The following HYDIN variants were observed in gnomAD, a reference collection of about 807,000 sequenced individuals.
The protein encoded by HYDIN is axonemal central pair apparatus protein HYDIN.
In HYDIN, 132 loss-of-function variants were observed where a neutral mutation model predicts 403.9. That is an observed-to-expected ratio of 0.33 (90% CI 0.28 to 0.38). The LOEUF (loss-of-function observed/expected upper bound fraction) is 0.38, where lower values mean the gene tolerates loss of function less well. HYDIN is among the 10% of genes least tolerant of loss of function. HYDIN has a pLI of 1.00. For synonymous variants in HYDIN, 1,202 were observed against 1,891.7 expected, an observed-to-expected ratio of 0.64 and a Z score of 9.46; for missense variants, 2,827 against 5,009.5, an observed-to-expected ratio of 0.56 and a Z score of 13.15.
chr16:71,003,184 T>A (rs2079777931), intron 23 of HYDIN, among the ~76,000 whole-genome samples: 1 of 152,192 alleles, frequency 6.6e-6, no homozygotes, highest in South Asian at 2.1e-4. Flanking sequence ...TTATTATATT[T>A]TTACAATAAG....
At chr16:71,089,611 G>A (rs946766015) in intron 11 of HYDIN, among the ~76,000 whole-genome samples, 1 of 152,208 alleles carries the variant, frequency 6.6e-6, no homozygotes, top group Admixed American at 6.5e-5. Flanking sequence ...CTGGAGCAAA[G>A]GTTACAGACA....
intron 40 of HYDIN, among the ~76,000 whole-genome samples, chr16:70,954,864 A>G (rs1057353004): frequency 1.3e-5 from 2 of 152,158 alleles, no homozygotes; most frequent in African/African-American, 4.8e-5. Flanking sequence ...ATTGGCCTCA[A>G]CCTGCCTTCC....
chr16:71,184,781 A>G (rs1315105965), intron 3 of HYDIN, 84 bp downstream of exon 3: 52 of 1,246,488 alleles, frequency 4.2e-5, no homozygotes, highest in Non-Finnish European at 5.2e-5. Flanking sequence ...TAGGTAGCCA[A>G]GAAACAAATT....
At chr16:71,143,696 A>G (rs1352871183) in intron 7 of HYDIN, among the ~76,000 whole-genome samples, 1 of 152,284 alleles carries the variant, frequency 6.6e-6, no homozygotes, top group Non-Finnish European at 1.5e-5. Flanking sequence ...AAGTCTGCAT[A>G]GATATTAATA....
At chr16:70,931,235 T>A (rs1334529616) in intron 45 of HYDIN, among the ~76,000 whole-genome samples, 27 of 133,420 alleles carry the variant, frequency 2.0e-4, no homozygotes, top group African/African-American at 6.7e-4. Context: ...TTTTTTTTTT[T>A]AATACAGGGT....
At chr16:70,853,164 G>C (rs973737330) in intron 73 of HYDIN, among the ~76,000 whole-genome samples, 3 of 152,154 alleles carry the variant, frequency 2.0e-5, no homozygotes, top group African/African-American at 7.2e-5. Context: ...CTGGGCAACA[G>C]AGCGAGACTC....
At chr16:70,896,474 T>C (rs1410945186) in intron 53 of HYDIN, among the ~76,000 whole-genome samples, 1 of 152,062 alleles carries the variant, frequency 6.6e-6, no homozygotes, top group African/African-American at 2.4e-5. Flanking sequence ...CATCTCAGCC[T>C]CCCGAGTAGG....
At chr16:71,040,012 C>T (rs1012570284) in intron 18 of HYDIN, among the ~76,000 whole-genome samples, 51 of 151,994 alleles carry the variant, frequency 3.4e-4, no homozygotes, top group African/African-American at 1.2e-3. Context: ...GCACCGCCCC[C>T]GCCCACCGCC....
chr16:70,864,059 G>C (rs371508293), intron 67 of HYDIN, among the ~76,000 whole-genome samples: 4 of 151,926 alleles, frequency 2.6e-5, no homozygotes, highest in African/African-American at 9.6e-5. Flanking sequence ...GGCTGGGTGC[G>C]GTGGCTCATG....
At chr16:71,161,208 A>G (rs1474331354) in intron 6 of HYDIN, among the ~76,000 whole-genome samples, 1 of 139,738 alleles carries the variant, frequency 7.2e-6, no homozygotes, top group East Asian at 2.0e-4. Context: ...TAGATCTCTT[A>G]CACGCACAGT....
At chr16:71,146,204 G>T (rs2085362002) in intron 7 of HYDIN, among the ~76,000 whole-genome samples, 1 of 151,960 alleles carries the variant, frequency 6.6e-6, no homozygotes, top group African/African-American at 2.4e-5. Flanking sequence ...TAAAAGGGTT[G>T]ACTATGCTTC....
chr16:71,215,889 T>C (rs1567463465), intron 1 of HYDIN, among the ~76,000 whole-genome samples: 3 of 151,268 alleles, frequency 2.0e-5, no homozygotes, highest in Admixed American at 6.6e-5. Context: ...CCCAAACTAA[T>C]AAAAAAACAG....
chr16:70,860,184 T>C lies in HYDIN; in HGVS notation c.12013A>G (p.Thr4005Ala), dbSNP rs1539302. Residue 4005 changes from threonine (T) to alanine (A), a missense_variant, in exon 71 of 86, where the codon ACC (threonine) becomes GCC (alanine). Physicochemically the swap from Thr to Ala is moderately conservative, Grantham distance 58. Coordinates refer to ENST00000393567, the MANE Select transcript of HYDIN (RefSeq NM_001270974.2). ...CAGCAGAAGGAGTAGGTGCTATTGGTTGGGTTTAGGATGGTAAAGGTCCTG... is the reference window on the plus strand; with the variant it reads ...CAGCAGAAGGAGTAGGTGCTATTGGCTGGGTTTAGGATGGTAAAGGTCCTG... The part of the protein sequence containing the change: ...NLRTFTILNP[T>A]NSTYSFCWIS... 6.2e-7 allele frequency: 1 copy of C among 1,613,964 alleles called. No individual in the cohort carries two copies. Among genetic ancestry groups the C allele is most frequent in the Non-Finnish European group, 8.5e-7 (1 of 1,179,924 alleles).
chr16:70,832,659 T>C (rs980298027), intron 80 of HYDIN, among the ~76,000 whole-genome samples, 189 bp downstream of exon 80: 4 of 152,214 alleles, frequency 2.6e-5, no homozygotes, highest in African/African-American at 9.6e-5. Flanking sequence ...ATGTTTCAGA[T>C]GAGAGCTGAA....
At chr16:70,836,604 C>T (rs1460189357) in intron 77 of HYDIN, among the ~76,000 whole-genome samples, 1 of 152,222 alleles carries the variant, frequency 6.6e-6, no homozygotes, top group Non-Finnish European at 1.5e-5. Context: ...CAGGCCAAGG[C>T]CAGGCTGAGC....
chr16:71,085,041 G>A (rs868400643), intron 12 of HYDIN, among the ~76,000 whole-genome samples: 13 of 101,534 alleles, frequency 1.3e-4, no homozygotes, highest in Admixed American at 9.5e-4. Flanking sequence ...AATCCATAAA[G>A]GTTATGGGTT....
chr16:71,216,543 C>T (rs1424067840), intron 1 of HYDIN, among the ~76,000 whole-genome samples: 2 of 152,156 alleles, frequency 1.3e-5, no homozygotes, highest in Non-Finnish European at 2.9e-5. Flanking sequence ...TTCCAGGATA[C>T]CCACATCCTA....
chr16:71,036,316 T>G (rs1261340996), intron 18 of HYDIN, among the ~76,000 whole-genome samples: 1 of 152,214 alleles, frequency 6.6e-6, no homozygotes, highest in Non-Finnish European at 1.5e-5. Flanking sequence ...TCTTCCCAAA[T>G]TGATGGCCTG....
intron 59 of HYDIN, 94 bp from the exon 60 acceptor site, chr16:70,882,989 G>A: frequency 2.0e-6 from 2 of 1,007,156 alleles, no homozygotes; most frequent in Non-Finnish European, 3.1e-6. Flanking sequence ...TCACAAAGGA[G>A]AATTGTGGAG....
Sources: gnomAD v4.1 joint callset for allele counts (sites outside exome capture counted in the v4.1 genomes callset) on GRCh38, gnomAD v4.1.1 for gene constraint, MANE v1.5 for transcripts, NCBI Gene and HGNC (gene_info 2026-07-23, HGNC 2026-07-21) for gene names.